Variants in MAN1A1 observed in about 807,000 individuals in gnomAD.
The protein encoded by MAN1A1 is mannosidase alpha class 1A member 1, also known as mannosyl-oligosaccharide 1,2-alpha-mannosidase IA.
In MAN1A1, 29 loss-of-function variants were observed where a neutral mutation model predicts 70.8. The ratio of observed to expected loss-of-function variants is 0.41; its 90% CI spans 0.31 to 0.56. The LOEUF (loss-of-function observed/expected upper bound fraction) is 0.56, where lower values mean the gene tolerates loss of function less well. MAN1A1 is among the 20% of genes least tolerant of loss of function. MAN1A1 has a pLI of 0.29. For synonymous variants in MAN1A1, 349 were observed against 330.1 expected (o/e 1.06, Z -0.62); for missense variants, 747 against 841.3 (o/e 0.89, Z 1.39).
intron 2 of MAN1A1, among the ~76,000 whole-genome samples, chr6:119,340,622 C>A (rs1350774777): frequency 1.3e-5 from 2 of 152,152 alleles, no homozygotes; most frequent in African/African-American, 4.8e-5. Context: ...CAAACAGGCA[C>A]CAGCAACAAA....
chr6:119,232,903 A>G (rs972524053), intron 6 of MAN1A1, among the ~76,000 whole-genome samples: 2 of 152,052 alleles, frequency 1.3e-5, no homozygotes, highest in African/African-American at 4.8e-5. Flanking sequence ...TTGAAAAGGG[A>G]CCTATTTTCC....
chr6:119,320,632 A>C (rs940550328), intron 2 of MAN1A1, among the ~76,000 whole-genome samples: 9 of 140,994 alleles, frequency 6.4e-5, no homozygotes, highest in African/African-American at 2.3e-4. Flanking sequence ...GGTTAAAAAC[A>C]AAAAAAAAAA....
rs1562235226 is a variant in MAN1A1 at position 119,306,840 on chromosome 6, C to A, written c.700+56G>T. On this transcript the variant is annotated intron_variant, in intron 3 of 12. Coordinates refer to ENST00000368468, the MANE Select transcript of MAN1A1 (RefSeq NM_005907.4). The stretch of plus-strand genomic sequence containing the variant: ...CACAGACTTCTCCACCATCCATAAG[C>A]TCAAGCAATTGGGGAGAAGTTATCG... 3.2e-6 allele frequency: 4 copies of A among 1,267,712 alleles called. No individual in the cohort carries two copies. In the East Asian group the frequency reaches 7.0e-5, roughly 22 times the overall value. 78.5% of individuals were successfully genotyped at this position (1,267,712 alleles called of 1,614,324 possible).
At chr6:119,242,361 A>C (rs1449501117) in intron 6 of MAN1A1, among the ~76,000 whole-genome samples, 1 of 152,108 alleles carries the variant, frequency 6.6e-6, no homozygotes, top group African/African-American at 2.4e-5. Flanking sequence ...AAAAATAATA[A>C]AAGCTTGAGC....
intron 5 of MAN1A1, among the ~76,000 whole-genome samples, chr6:119,272,293 C>A (rs1465908347): frequency 6.6e-6 from 1 of 152,158 alleles, no homozygotes; most frequent in Non-Finnish European, 1.5e-5. Flanking sequence ...TTAATAGTCA[C>A]CTCTTTTATC....
chr6:119,187,122 G>A (rs1223029381), intron 11 of MAN1A1, among the ~76,000 whole-genome samples: 3 of 152,064 alleles, frequency 2.0e-5, no homozygotes, highest in African/African-American at 7.2e-5. Flanking sequence ...TACCTTCTCG[G>A]CCATACATTT....
intron 9 of MAN1A1, among the ~76,000 whole-genome samples, chr6:119,191,629 G>A (rs1332894791): frequency 2.6e-5 from 4 of 152,168 alleles, no homozygotes. Flanking sequence ...AGAATCGTAA[G>A]TGTCTGATAT....
chr6:119,195,317 A>AT (rs1197186054), intron 8 of MAN1A1, among the ~76,000 whole-genome samples: 1 of 152,110 alleles, frequency 6.6e-6, no homozygotes, highest in Non-Finnish European at 1.5e-5. Context: ...CTCACTTGCT[A>AT]TAAAGCCCTT....
intron 2 of MAN1A1, among the ~76,000 whole-genome samples, chr6:119,314,360 G>A (rs571400007): frequency 5.3e-5 from 8 of 152,288 alleles, no homozygotes; most frequent in Non-Finnish European, 8.8e-5. Context: ...AGGAGCTGTC[G>A]TCATCATGGG....
chr6:119,181,082 A>C (rs1773142195), intron 11 of MAN1A1, among the ~76,000 whole-genome samples: 2 of 152,168 alleles, frequency 1.3e-5, no homozygotes, highest in South Asian at 2.1e-4. Flanking sequence ...TTATTTTTGT[A>C]AATAAACTTT....
At chr6:119,287,413 C>G (rs772604870) in intron 5 of MAN1A1, among the ~76,000 whole-genome samples, 24 of 152,118 alleles carry the variant, frequency 1.6e-4, no homozygotes, top group Non-Finnish European at 2.9e-4. Context: ...GTCATCTTCT[C>G]TTGCAATGTC....
intron 2 of MAN1A1, among the ~76,000 whole-genome samples, chr6:119,333,486 A>G (rs972835251): frequency 1.3e-5 from 2 of 152,192 alleles, no homozygotes; most frequent in Non-Finnish European, 2.9e-5. Flanking sequence ...CTGCCTTTGC[A>G]CCATTAGTAC....
intron 6 of MAN1A1, among the ~76,000 whole-genome samples, chr6:119,223,565 C>T (rs1158569180): frequency 5.9e-5 from 9 of 151,942 alleles, no homozygotes; most frequent in Non-Finnish European, 1.3e-4. Flanking sequence ...ATTTTATCCC[C>T]AATAAAACTT....
intron 5 of MAN1A1, chr6:119,269,516 A>G: frequency 5.2e-6 from 1 of 193,566 alleles, no homozygotes; most frequent in Non-Finnish European, 1.1e-5. Flanking sequence ...GGGGGGCCTC[A>G]GGAAGGGTTG....
intron 2 of MAN1A1, among the ~76,000 whole-genome samples, chr6:119,319,056 A>T (rs1456048368): frequency 1.3e-5 from 2 of 152,142 alleles, no homozygotes; most frequent in African/African-American, 4.8e-5. Context: ...GATATGGATT[A>T]TTTTTCAAAG....
chr6:119,336,743 T>C (rs1441324875), intron 2 of MAN1A1, among the ~76,000 whole-genome samples: 1 of 152,232 alleles, frequency 6.6e-6, no homozygotes, highest in Admixed American at 6.5e-5. Flanking sequence ...TGACTTTTCA[T>C]TTTAGTGTGG....
intron 2 of MAN1A1, among the ~76,000 whole-genome samples, chr6:119,335,532 C>T (rs1475921247): frequency 6.6e-6 from 1 of 152,098 alleles, no homozygotes; most frequent in African/African-American, 2.4e-5. Context: ...GGGCCACGGA[C>T]CTATGAGATA....
At chr6:119,340,654 T>C (rs571478567) in intron 2 of MAN1A1, among the ~76,000 whole-genome samples, 1 of 152,170 alleles carries the variant, frequency 6.6e-6, no homozygotes, top group African/African-American at 2.4e-5. Context: ...AGGGTAGCAA[T>C]GCTGTGTTAT....
chr6:119,240,721 T>C (rs1774981780), intron 6 of MAN1A1, among the ~76,000 whole-genome samples: 1 of 152,246 alleles, frequency 6.6e-6, no homozygotes, highest in African/African-American at 2.4e-5. Context: ...GACTTCCTTG[T>C]CCGTAATGTC....
Sources: gnomAD v4.1 joint callset for allele counts (sites outside exome capture counted in the v4.1 genomes callset) on GRCh38, gnomAD v4.1.1 for gene constraint, MANE v1.5 for transcripts, NCBI Gene and HGNC (gene_info 2026-07-23, HGNC 2026-07-21) for gene names.